The following CLOCK variants were observed in gnomAD, a reference collection of about 807,000 sequenced individuals.
CLOCK encodes the protein clock circadian regulator.
CLOCK carries 43 observed loss-of-function variants against 118.4 expected under a neutral mutation model. That is an observed-to-expected ratio of 0.36 (90% CI 0.28 to 0.47). CLOCK has a LOEUF of 0.47. Among genes scored for constraint, CLOCK ranks in the 20% least tolerant of loss-of-function variants. The probability of loss-of-function intolerance (pLI) is 1.00; values close to 1 mark genes in which losing one functional copy is unlikely to be tolerated. For missense variants in CLOCK, 846 were observed against 999.9 expected (o/e 0.85, Z 2.08); for synonymous variants, 326 against 339.2 (o/e 0.96, Z 0.43).
chr4:55,443,445 A>G (rs1331420627), intron 20 of CLOCK, among the ~76,000 whole-genome samples: 1 of 149,516 alleles, frequency 6.7e-6, no homozygotes, highest in African/African-American at 2.5e-5. Context: ...ATTGCACTCC[A>G]GCCTGGGCAA....
chr4:55,485,528 C>T (rs1326425331), intron 3 of CLOCK, among the ~76,000 whole-genome samples: 2 of 152,140 alleles, frequency 1.3e-5, no homozygotes, highest in African/African-American at 4.8e-5. Flanking sequence ...GCTAGAGTCA[C>T]ACTTGTCCAT....
intron 3 of CLOCK, among the ~76,000 whole-genome samples, 157 bp downstream of exon 3, chr4:55,489,217 A>C (rs1727510294): frequency 6.6e-6 from 1 of 152,216 alleles, no homozygotes; most frequent in Admixed American, 6.5e-5. Context: ...TAATTATCGG[A>C]ACATAGCTGG....
At chr4:55,466,194 G>T (rs1392929919) in intron 8 of CLOCK, among the ~76,000 whole-genome samples, 1 of 152,096 alleles carries the variant, frequency 6.6e-6, no homozygotes, top group African/African-American at 2.4e-5. Flanking sequence ...ATGTTCTCGT[G>T]ATAGTGAGTG....
intron 1 of CLOCK, among the ~76,000 whole-genome samples, chr4:55,521,272 G>GC (rs1301315687): frequency 1.3e-5 from 2 of 152,160 alleles, no homozygotes; most frequent in African/African-American, 4.8e-5. Flanking sequence ...AGGCTGGAGT[G>GC]CAATGGCATG....
chr4:55,438,689 A>G (rs1426952477), intron 21 of CLOCK, 152 bp from the exon 22 acceptor site: 1 of 1,232,590 alleles, frequency 8.1e-7, no homozygotes, highest in Non-Finnish European at 1.1e-6. Context: ...TTTCATTTTA[A>G]AAGATTCCCT....
rs984752139 is a variant in CLOCK at position 55,434,751 on chromosome 4, G to C, written c.*664C>G. The C allele has an allele frequency of 6.4e-6, 1 of 155,186 alleles. No individual in the cohort carries two copies. Among genetic ancestry groups the C allele is most frequent in the African/African-American group, 2.4e-5 (1 of 41,450 alleles). 9.6% of individuals were successfully genotyped at this position (155,186 alleles called of 1,614,324 possible). ...AAACAGGATGGATCAGTTTGCACAT[G>C]GTGTCAGAATTTCAGGAAAGGTGCT... On this transcript the variant is annotated 3_prime_UTR_variant, in exon 23 of 23. Coordinates refer to ENST00000513440, the MANE Select transcript of CLOCK (RefSeq NM_004898.4).
At chr4:55,491,939 C>T (rs1017314816) in intron 2 of CLOCK, among the ~76,000 whole-genome samples, 3 of 152,060 alleles carry the variant, frequency 2.0e-5, no homozygotes, top group African/African-American at 7.2e-5. Context: ...AAGCCAGGAC[C>T]ATATACATGA....
intron 2 of CLOCK, among the ~76,000 whole-genome samples, chr4:55,506,649 C>T (rs1728814105): frequency 6.6e-6 from 1 of 151,886 alleles, no homozygotes; most frequent in African/African-American, 2.4e-5. Context: ...CAACCTCTGC[C>T]TTCCGGGTTC....
chr4:55,529,046 T>G (rs966969384), intron 1 of CLOCK, among the ~76,000 whole-genome samples: 23 of 152,110 alleles, frequency 1.5e-4, no homozygotes, highest in Non-Finnish European at 8.8e-5. Flanking sequence ...CCAACAGCAG[T>G]ACCTAATATA....
chr4:55,439,243 T>A (rs913893082), intron 21 of CLOCK, among the ~76,000 whole-genome samples: 4 of 152,052 alleles, frequency 2.6e-5, no homozygotes, highest in African/African-American at 4.8e-5. Flanking sequence ...CACAAATGGC[T>A]AATAAGCACA....
At chr4:55,478,990 T>A (rs1726731701) in intron 5 of CLOCK, 27 bp from the exon 6 acceptor site, 6 of 1,540,094 alleles carry the variant, frequency 3.9e-6, no homozygotes, top group Admixed American at 1.8e-5. Flanking sequence ...TATGCATTTT[T>A]TAAACAATCC....
chr4:55,459,045 G>A (rs1296056205), intron 10 of CLOCK, 35 bp from the exon 11 acceptor site: 1 of 1,556,438 alleles, frequency 6.4e-7, no homozygotes, highest in South Asian at 1.1e-5. Flanking sequence ...CATCAGTTAT[G>A]CCAGCAAAAC....
Position 55,442,736 on chromosome 4 carries a change from AAAG to A in CLOCK, c.1903-105_1903-103del, listed in dbSNP as rs1454646498. The A allele has an allele frequency of 6.8e-6, 7 of 1,035,876 alleles. No individual in the cohort carries two copies. The African/African-American group carries it at 9.5e-5, about 14-fold the overall frequency. The allele number at this position is 1,035,876 out of a possible 1,614,324, so 64.2% of individuals were successfully genotyped here. A position where few individuals can be genotyped will look rare whatever the true frequency, so the allele number is the denominator to read the frequency against. Reference sequence around the variant, plus strand: ...CTAACAATATGACAATATGACAGAGAAAGAAGTGGCAGGATATATTACTCTGGG... The same window carrying A: ...CTAACAATATGACAATATGACAGAGAAAGTGGCAGGATATATTACTCTGGG... On this transcript the variant is annotated intron_variant, in intron 20 of 22. Coordinates refer to ENST00000513440, the MANE Select transcript of CLOCK (RefSeq NM_004898.4).
intron 1 of CLOCK, among the ~76,000 whole-genome samples, chr4:55,542,237 G>C (rs28582059): frequency 0.42 from 62,564 of 150,740 alleles, 14,597 homozygotes; most frequent in African/African-American, 0.63. Context: ...AGCTACTCTT[G>C]GAGGGCTAAG....
At chr4:55,477,755 A>G (rs1192142860) in intron 6 of CLOCK, among the ~76,000 whole-genome samples, 1 of 152,018 alleles carries the variant, frequency 6.6e-6, no homozygotes, top group Admixed American at 6.6e-5. Flanking sequence ...GAAAGAGTGT[A>G]CAGAAAGCAA....
intron 13 of CLOCK, among the ~76,000 whole-genome samples, chr4:55,454,393 T>C (rs1243937271): frequency 1.3e-5 from 2 of 151,870 alleles, no homozygotes; most frequent in Non-Finnish European, 2.9e-5. Flanking sequence ...GGTGGGAGGA[T>C]CACTTGAGGT....
intron 1 of CLOCK, among the ~76,000 whole-genome samples, chr4:55,522,504 T>A (rs73819629): frequency 0.082 from 12,105 of 147,868 alleles, 646 homozygotes; most frequent in African/African-American, 0.16. Flanking sequence ...TGTTTTTTTT[T>A]AAAAAAAAAA....
intron 7 of CLOCK, among the ~76,000 whole-genome samples, chr4:55,472,908 C>T (rs775036240): frequency 7.2e-5 from 11 of 151,978 alleles, no homozygotes; most frequent in African/African-American, 1.5e-4. Context: ...TACAATAATG[C>T]CAGTATTATT....
At chr4:55,527,275 G>A (rs1195202770) in intron 1 of CLOCK, among the ~76,000 whole-genome samples, 3 of 152,088 alleles carry the variant, frequency 2.0e-5, no homozygotes, top group African/African-American at 7.2e-5. Flanking sequence ...TAGATGAAAC[G>A]AGAGTTGTTG....
Sources: allele counts gnomAD v4.1 joint callset (sites outside exome capture counted in the v4.1 genomes callset), GRCh38; gene constraint gnomAD v4.1.1; transcripts MANE v1.5; gene names NCBI Gene and HGNC (gene_info 2026-07-23, HGNC 2026-07-21).